Variants in HERC2 observed in about 807,000 individuals in gnomAD.
The protein encoded by HERC2 is E3 ubiquitin-protein ligase HERC2.
HERC2 carries 102 observed loss-of-function variants against 537.7 expected under a neutral mutation model. The observed-to-expected ratio is 0.19, with a 90% confidence interval of 0.16 to 0.22. HERC2 has a LOEUF of 0.22. Among genes scored for constraint, HERC2 ranks in the 10% least tolerant of loss-of-function variants. The pLI, the probability that HERC2 is intolerant of heterozygous loss-of-function variation, is 1.00. For synonymous variants in HERC2, 2,224 were observed against 2,466.2 expected (o/e 0.90, Z 2.91); for missense variants, 4,236 against 6,198.2 (o/e 0.68, Z 10.63).
Position 28,159,930 on chromosome 15 carries a change from T to G in HERC2, c.10746+3164A>C, listed in dbSNP as rs113563945. Among the ~76,000 whole-genome samples the G allele has an allele frequency of 4.1e-3, 628 of 152,140 alleles. 4 individuals are homozygous for G. Among genetic ancestry groups the G allele is most frequent in the African/African-American group, 0.014 (598 of 41,466 alleles). On this transcript the variant is annotated intron_variant, in intron 69 of 92. Coordinates refer to ENST00000261609, the MANE Select transcript of HERC2 (RefSeq NM_004667.6). ...GTTTTGGTGTAGATGTCCTTTCTGT[T>G]TGTTAGTTTTCCTTCTAACAGTCAG...
rs1567063640 is a variant in HERC2, at chr15:28,245,556, A to AT, written c.3577+324_3577+325insA. Among the ~76,000 whole-genome samples, 38 of 126,610 alleles carry AT rather than the reference A, an allele frequency of 3.0e-4. No homozygotes were observed. The East Asian group carries it at 7.3e-3, about 24-fold the overall frequency. The allele number at this position is 126,610 out of a possible 152,430, so 83.1% of individuals were successfully genotyped here. A position where few individuals can be genotyped will look rare whatever the true frequency, so the allele number is the denominator to read the frequency against. ...AGCAAGATGTAGTGTCAAAAAAAAA[A>AT]AAAAATATATACACACACACACACA... On this transcript the variant is annotated intron_variant, in intron 23 of 92. Transcript: ENST00000261609.
intron 89 of HERC2, 143 bp downstream of exon 89, chr15:28,115,286 T>A: frequency 6.8e-6 from 3 of 438,022 alleles, no homozygotes; most frequent in Non-Finnish European, 1.2e-5. Context: ...TTTTTGCTAC[T>A]CAAAGGTGGT....
chr15:28,278,969 C>T (rs1183713405), intron 5 of HERC2, among the ~76,000 whole-genome samples: 1 of 152,192 alleles, frequency 6.6e-6, no homozygotes, highest in Non-Finnish European at 1.5e-5. Flanking sequence ...CAGGCATCAA[C>T]AAATTAAAAC....
intron 78 of HERC2, among the ~76,000 whole-genome samples, chr15:28,138,178 A>G (rs1182806696): frequency 2.0e-5 from 3 of 152,216 alleles, no homozygotes; most frequent in African/African-American, 7.2e-5. Context: ...ATAAAAGTGC[A>G]AGGGAAAGTA....
intron 85 of HERC2, among the ~76,000 whole-genome samples, chr15:28,123,331 T>G (rs1889129407): frequency 1.3e-5 from 2 of 152,166 alleles, no homozygotes; most frequent in Non-Finnish European, 2.9e-5. Context: ...AGAATCACAA[T>G]CAGGATTAGT....
intron 2 of HERC2, chr15:28,315,587 G>C: frequency 2.1e-6 from 1 of 477,246 alleles, no homozygotes; most frequent in Non-Finnish European, 4.1e-6. Flanking sequence ...GAGCTCAGGA[G>C]TTCAAGACCA....
In HERC2 at chr15:28,111,563, G is replaced by A. The variant is rs1375159295; in HGVS notation, c.*200C>T. The stretch of plus-strand genomic sequence containing the variant: ...GTGAGAAGACCCTTGGAAGTCGAGC[G>A]TCCACAGTGTTCCACGCGCACAGGC... On this transcript the variant is annotated 3_prime_UTR_variant, in exon 93 of 93. Coordinates refer to ENST00000261609, the MANE Select transcript of HERC2 (RefSeq NM_004667.6). 2.7e-5 allele frequency: 16 copies of A among 600,486 alleles called. No individual in the cohort carries two copies. Among genetic ancestry groups the A allele is most frequent in the East Asian group, 1.9e-4 (7 of 36,222 alleles). 37.2% of individuals were successfully genotyped at this position (600,486 alleles called of 1,614,324 possible).
At chr15:28,114,581 G>A (rs1393691949) in intron 90 of HERC2, 31 bp downstream of exon 90, 1 of 1,597,744 alleles carries the variant, frequency 6.3e-7, no homozygotes, top group Non-Finnish European at 8.6e-7. Context: ...TGCTATTTAT[G>A]TCAATGCAAC....
chr15:28,295,308 T>TGGGGGGGGGGGGG (rs3079935), intron 3 of HERC2, among the ~76,000 whole-genome samples: 2 of 79,622 alleles, frequency 2.5e-5, no homozygotes, highest in Admixed American at 1.5e-4. Context: ...TACATGTGTG[T>TGGGGGGGGGGGGG]GGGGGGGGGG....
chr15:28,310,757 AAAACAG>A (rs1240037178), intron 2 of HERC2, among the ~76,000 whole-genome samples: 1 of 152,148 alleles, frequency 6.6e-6, no homozygotes, highest in African/African-American at 2.4e-5. Flanking sequence ...AGTGTTTCAG[AAAACAG>A]AAACAGAGAA....
At chr15:28,158,735 C>T (rs1413800895) in intron 69 of HERC2, among the ~76,000 whole-genome samples, 3 of 152,210 alleles carry the variant, frequency 2.0e-5, no homozygotes, top group African/African-American at 7.2e-5. Context: ...AGCCCACTTA[C>T]ATTTAAGGTT....
intron 45 of HERC2, among the ~76,000 whole-genome samples, chr15:28,204,509 A>G (rs1185743525): frequency 2.0e-5 from 3 of 151,620 alleles, no homozygotes; most frequent in Admixed American, 6.6e-5. Context: ...AGTCCTAGCT[A>G]CTCGGGAGGC....
rs371287419 is a variant in HERC2, at chr15:28,280,103, G to T, written c.507C>A (p.Ser169Arg). The T allele has an allele frequency of 1.2e-6, 2 of 1,614,040 alleles. No individual in the cohort carries two copies. Among genetic ancestry groups the T allele is most frequent in the African/African-American group, 1.3e-5 (1 of 75,032 alleles). The change falls in exon 5 of 93, where the codon AGC becomes AGA. Residue 169 changes from serine to arginine, a missense_variant. This residue lies in a region of HERC2 where 491 missense variants were observed against 559.3 expected (regional missense o/e 0.88). Transcript: ENST00000261609. ...CCACAGGAGGCAGAGAAATACCGCT[G>T]CTTTTCCACTTAACTTTGACATTCT... Reference protein sequence around the residue: ...FQENVKVKWKSSGISLPPVDK... With the variant: ...FQENVKVKWKRSGISLPPVDK...
rs972375972 is a variant in HERC2 at position 28,268,874 on chromosome 15, C to T, written c.1447-258G>A. Among the ~76,000 whole-genome samples the T allele has an allele frequency of 6.6e-6, 1 of 152,176 alleles. No homozygotes were observed. Among genetic ancestry groups the T allele is most frequent in the African/African-American group, 2.4e-5 (1 of 41,460 alleles). On this transcript the variant is annotated intron_variant, in intron 11 of 92. Transcript: ENST00000261609. The surrounding 1 kb of genome is among the most constrained non-coding windows in gnomAD (Gnocchi z 4.7). The stretch of plus-strand genomic sequence containing the variant: ...AGGCTAGCCCCATGCCACAGAGACA[C>T]GCAGCCGACAGGGAGGAACACCTCG...
At chr15:28,282,202 G>T (rs547586755) in intron 4 of HERC2, among the ~76,000 whole-genome samples, 2 of 152,282 alleles carry the variant, frequency 1.3e-5, no homozygotes, top group East Asian at 3.9e-4. Flanking sequence ...ATCCCTGCCA[G>T]AGCAGGGTCA....
chr15:28,179,105 A>G (rs369747171), intron 58 of HERC2, 37 bp downstream of exon 58: 30 of 1,600,952 alleles, frequency 1.9e-5, no homozygotes, highest in Non-Finnish European at 2.0e-5. Flanking sequence ...GGTGCCAAGC[A>G]TAATTTAAAA....
chr15:28,214,321 C>A (rs964849066), intron 40 of HERC2, 49 bp from the exon 41 acceptor site: 15 of 1,514,400 alleles, frequency 9.9e-6, no homozygotes, highest in Non-Finnish European at 1.3e-5. Context: ...TTCACCAGGG[C>A]ACAGGGAAAG....
At chr15:28,174,896 G>A (rs1376923977) in intron 64 of HERC2, among the ~76,000 whole-genome samples, 1 of 151,896 alleles carries the variant, frequency 6.6e-6, no homozygotes, top group Non-Finnish European at 1.5e-5. Flanking sequence ...ACACACAGAA[G>A]GTCCTCTCTC....
At chr15:28,167,591 G>C (rs1894276247) in intron 68 of HERC2, 96 bp downstream of exon 68, 1 of 1,451,158 alleles carries the variant, frequency 6.9e-7, no homozygotes, top group Non-Finnish European at 9.6e-7. Context: ...GAATGGGATA[G>C]GAATAGACTG....
Sources: gnomAD v4.1 joint callset for allele counts (sites outside exome capture counted in the v4.1 genomes callset) on GRCh38, gnomAD v4.1.1 for gene constraint, gnomAD v4.1.1 regional missense constraint, Gnocchi (gnomAD v3.1) non-coding constraint, MANE v1.5 for transcripts, NCBI Gene and HGNC (gene_info 2026-07-23, HGNC 2026-07-21) for gene names.